The following KLF9 variants were observed in gnomAD, a reference collection of about 807,000 sequenced individuals.
KLF9 encodes KLF transcription factor 9.
A neutral mutation model predicts 17.3 loss-of-function variants in KLF9; 2 were observed. The ratio of observed to expected loss-of-function variants is 0.12; its 90% CI spans 0.05 to 0.36. The LOEUF (loss-of-function observed/expected upper bound fraction) is 0.36, where lower values mean the gene tolerates loss of function less well. Ranked by LOEUF, KLF9 falls within the 10% of genes least tolerant of loss-of-function variation. KLF9 has a pLI of 1.00. For missense variants in KLF9, 226 were observed against 333.2 expected (o/e 0.68, Z 2.51); for synonymous variants, 138 against 139.2 (o/e 0.99, Z 0.06).
rs903860986 is a variant in KLF9 at position 70,413,364 on chromosome 9, G to C, written c.-1C>G. The C allele has an allele frequency of 6.6e-7, 1 of 1,521,734 alleles. No individual in the cohort carries two copies. Among genetic ancestry groups the C allele is most frequent in the Admixed American group, 2.0e-5 (1 of 49,762 alleles). The allele number at this position is 1,521,734 out of a possible 1,614,324, so 94.3% of individuals were successfully genotyped here. ...AGTCCATGTAGGCGGCCGCGGACAT[G>C]GTGCGGGCGACGGCAGCCCAGGCGG... On this transcript the variant is annotated 5_prime_UTR_variant, in exon 1 of 2. Transcript: ENST00000377126. The surrounding 1 kb of genome is among the most constrained non-coding windows in gnomAD (Gnocchi z 5.6).
chr9:70,402,615 T>G (rs1327562811), intron 1 of KLF9, among the ~76,000 whole-genome samples: 1 of 152,152 alleles, frequency 6.6e-6, no homozygotes, highest in South Asian at 2.1e-4. Flanking sequence ...TTCTAGAACA[T>G]CCACTCAGGA....
At position 70,413,798 on chromosome 9, in the gene KLF9, G is replaced by C. The variant is rs903744759; in HGVS notation, c.-435C>G. On this transcript the variant is annotated 5_prime_UTR_variant, in exon 1 of 2. Transcript: ENST00000377126. This position sits in a 1 kb window ranked among gnomAD's most constrained non-coding sequence, Gnocchi z 5.6. ...GCACGCCCTCGGCCGCCTCGCCGTCGAGCCAAAGCCCCAGGACATTCACCC... is the reference window on the plus strand; with the variant it reads ...GCACGCCCTCGGCCGCCTCGCCGTCCAGCCAAAGCCCCAGGACATTCACCC... 1 of 152,732 alleles carries C rather than the reference G, an allele frequency of 6.5e-6. No homozygotes were observed. Among genetic ancestry groups the C allele is most frequent in the Non-Finnish European group, 1.5e-5 (1 of 68,166 alleles). 9.5% of individuals were successfully genotyped at this position (152,732 alleles called of 1,614,324 possible). A position where few individuals can be genotyped will look rare whatever the true frequency, so the allele number is the denominator to read the frequency against.
At chr9:70,411,910 G>A (rs1176976092) in intron 1 of KLF9, among the ~76,000 whole-genome samples, 2 of 152,124 alleles carry the variant, frequency 1.3e-5, no homozygotes, top group Non-Finnish European at 2.9e-5. Flanking sequence ...AAATGTGAAT[G>A]CTTTCCAACT....
At chr9:70,408,323 G>A (rs1659821066) in intron 1 of KLF9, among the ~76,000 whole-genome samples, 1 of 152,186 alleles carries the variant, frequency 6.6e-6, no homozygotes, top group Admixed American at 6.5e-5. Context: ...AAAAAGGGTA[G>A]AGAAACAGTT....
intron 1 of KLF9, among the ~76,000 whole-genome samples, chr9:70,397,846 G>A (rs2037192742): frequency 6.6e-6 from 1 of 152,120 alleles, no homozygotes; most frequent in South Asian, 2.1e-4. Flanking sequence ...TCACCAAAAA[G>A]CAATGTCAAC....
In KLF9 at chr9:70,413,380, G is replaced by A. The variant is rs746649244; in HGVS notation, c.-17C>T. 2.0e-6 allele frequency: 3 copies of A among 1,479,968 alleles called. No individual in the cohort carries two copies. Among genetic ancestry groups the A allele is most frequent in the East Asian group, 2.5e-5 (1 of 40,728 alleles). 91.7% of individuals were successfully genotyped at this position (1,479,968 alleles called of 1,614,324 possible). ...CGCGGACATGGTGCGGGCGACGGCA[G>A]CCCAGGCGGCGCGGACAAACTTGGC... is the stretch of plus-strand genomic sequence containing the variant. On this transcript the variant is annotated 5_prime_UTR_variant, in exon 1 of 2. Transcript: ENST00000377126. This position sits in a 1 kb window ranked among gnomAD's most constrained non-coding sequence, Gnocchi z 5.6.
At chr9:70,396,489 T>C (rs947553801) in intron 1 of KLF9, among the ~76,000 whole-genome samples, 3 of 152,166 alleles carry the variant, frequency 2.0e-5, no homozygotes, top group African/African-American at 7.2e-5. Flanking sequence ...AAAAAAATCC[T>C]GTTGCCCACA....
intron 1 of KLF9, among the ~76,000 whole-genome samples, chr9:70,392,508 T>A (rs1388757867): frequency 6.6e-6 from 1 of 152,202 alleles, no homozygotes; most frequent in Non-Finnish European, 1.5e-5. Flanking sequence ...CATGCCATGA[T>A]GTTGAATCTA....
At position 70,387,625 on chromosome 9, in the gene KLF9, G is replaced by T; in HGVS notation, c.*151C>A. 1.5e-6 allele frequency: 1 copy of T among 652,040 alleles called. No homozygotes were observed. The highest frequency in any genetic ancestry group is 2.7e-6 in the Non-Finnish European group (1 of 373,570). The allele number at this position is 652,040 out of a possible 1,614,324, so 40.4% of individuals were successfully genotyped here. A position where few individuals can be genotyped will look rare whatever the true frequency, so the allele number is the denominator to read the frequency against. ...AATGTGCTTTTTAAAAACAATGCAG[G>T]GAGAGGAAAATCAGAATATTGACCA... On this transcript the variant is annotated 3_prime_UTR_variant, in exon 2 of 2. Coordinates refer to ENST00000377126, the MANE Select transcript of KLF9 (RefSeq NM_001206.4).
intron 1 of KLF9, among the ~76,000 whole-genome samples, chr9:70,404,722 C>A (rs1234156756): frequency 6.6e-6 from 1 of 152,054 alleles, no homozygotes; most frequent in Non-Finnish European, 1.5e-5. Context: ...CACATAAATT[C>A]TTTATTTTTA....
At chr9:70,394,359 T>C (rs2118910894) in intron 1 of KLF9, among the ~76,000 whole-genome samples, 1 of 152,026 alleles carries the variant, frequency 6.6e-6, no homozygotes, top group South Asian at 2.1e-4. Flanking sequence ...TCTTATCGTG[T>C]ACAAAATAGT....
chr9:70,404,523 G>A (rs902681442), intron 1 of KLF9, among the ~76,000 whole-genome samples: 12 of 151,972 alleles, frequency 7.9e-5, no homozygotes, highest in African/African-American at 2.9e-4. Context: ...GAAGTAGGCG[G>A]GGAGAGTGCA....
chr9:70,396,711 AT>A (rs2037183872), intron 1 of KLF9, among the ~76,000 whole-genome samples: 1 of 152,252 alleles, frequency 6.6e-6, no homozygotes, highest in Admixed American at 6.5e-5. Context: ...GAGATAAAGA[AT>A]AACTTCTACT....
chr9:70,394,463 C>T (rs1039111063), intron 1 of KLF9, among the ~76,000 whole-genome samples: 16 of 152,064 alleles, frequency 1.1e-4, no homozygotes, highest in African/African-American at 3.9e-4. Flanking sequence ...GAAACCTTTC[C>T]TCTGCAAGGT....
At position 70,412,909 on chromosome 9, in the gene KLF9, T is replaced by C; in HGVS notation, c.455A>G (p.Lys152Arg). Residue 152 changes from lysine to arginine, a missense_variant, in exon 1 of 2, where the codon AAA becomes AGA. By Grantham distance (26) the Lys-to-Arg change is conservative. Coordinates refer to ENST00000377126, the MANE Select transcript of KLF9 (RefSeq NM_001206.4). ...RHKCPYSGCG[K>R]VYGKSSHLKA... is the part of the protein sequence containing the mutation. ...GAGATGGGAGGATTTTCCATAGACT[T>C]TCCCACAGCCACTGTAGGGGCACTT... 6.2e-7 allele frequency: 1 copy of C among 1,612,562 alleles called. No individual in the cohort carries two copies. Among genetic ancestry groups the C allele is most frequent in the South Asian group, 1.1e-5 (1 of 90,818 alleles).
rs1416113344 is a variant in KLF9, at chr9:70,414,489, C to G, written c.-1126G>C. 1 of 152,176 alleles carries G rather than the reference C, an allele frequency of 6.6e-6. No homozygotes were observed. Among genetic ancestry groups the G allele is most frequent in the Admixed American group, 6.5e-5 (1 of 15,280 alleles). The allele number at this position is 152,176 out of a possible 1,614,324, so 9.4% of individuals were successfully genotyped here. ...AAAGCAAGCGCTCGACACTTGTAAA[C>G]GCGAAGAGCTGTAGTGAAACTGGAC... On this transcript the variant is annotated 5_prime_UTR_variant, in exon 1 of 2. Transcript: ENST00000377126.
chr9:70,407,437 T>G (rs1046700198), intron 1 of KLF9, among the ~76,000 whole-genome samples: 10 of 152,112 alleles, frequency 6.6e-5, no homozygotes, highest in African/African-American at 2.4e-4. Flanking sequence ...CCCTCCCCTC[T>G]CTCTTCTCAC....
chr9:70,401,686 C>CAAAAAAAAAAAAAAAAAAAAAAAAAAA (rs34988097), intron 1 of KLF9, among the ~76,000 whole-genome samples: 1 of 66,508 alleles, frequency 1.5e-5, no homozygotes, highest in Non-Finnish European at 3.0e-5. Context: ...GACTCCTTCA[C>CAAAAAAAAAAAAAAAAAAAAAAAAAAA]AAAAAAAAAA....
At chr9:70,409,335 C>T (rs908148218) in intron 1 of KLF9, among the ~76,000 whole-genome samples, 1 of 150,432 alleles carries the variant, frequency 6.6e-6, no homozygotes, top group Non-Finnish European at 1.5e-5. Flanking sequence ...AACCCATTGT[C>T]ACCACTTGGC....
Sources: gnomAD v4.1 joint callset for allele counts (sites outside exome capture counted in the v4.1 genomes callset) on GRCh38, gnomAD v4.1.1 for gene constraint, Gnocchi (gnomAD v3.1) non-coding constraint, MANE v1.5 for transcripts, NCBI Gene and HGNC (gene_info 2026-07-23, HGNC 2026-07-21) for gene names.